RGS10: variants seen among roughly 807,000 people sequenced by gnomAD.
RGS10 encodes the protein regulator of G-protein signalling 10.
RGS10 carries 11 observed loss-of-function variants against 23.5 expected under a neutral mutation model. That is an observed-to-expected ratio of 0.47 (90% CI 0.29 to 0.77). The LOEUF is 0.77. Among genes scored for constraint, RGS10 ranks in the 30% least tolerant of loss-of-function variants. RGS10 has a pLI of 0.08. For missense variants in RGS10, 180 were observed against 226.3 expected, an observed-to-expected ratio of 0.80 and a Z score of 1.31; for synonymous variants, 77 against 83.2, an observed-to-expected ratio of 0.92 and a Z score of 0.41.
rs979542477 is a variant in RGS10 at position 119,524,550 on chromosome 10, G to A, written c.255+1482C>T. ...CACAGTCTAGCATTTATCGATGGTG[G>A]TCCCCAGGCCCTGTCCTCGGTGCTG... On this transcript the variant is annotated intron_variant, in intron 3 of 4. Coordinates refer to ENST00000369103, the MANE Select transcript of RGS10 (RefSeq NM_001005339.2). This position sits in a 1 kb window ranked among gnomAD's most constrained non-coding sequence, Gnocchi z 5.2. Among the ~76,000 whole-genome samples, 18 of 152,148 alleles carry A rather than the reference G, an allele frequency of 1.2e-4. No individual in the cohort carries two copies. Among genetic ancestry groups the A allele is most frequent in the African/African-American group, 4.3e-4 (18 of 41,420 alleles).
At chr10:119,528,889 T>C (rs1844306387) in intron 1 of RGS10, among the ~76,000 whole-genome samples, 1 of 152,116 alleles carries the variant, frequency 6.6e-6, no homozygotes, top group Non-Finnish European at 1.5e-5. Context: ...ATTATCCTGA[T>C]GCCTGAGGTT....
chr10:119,501,062 C>T (rs1843948078), intron 4 of RGS10, among the ~76,000 whole-genome samples: 1 of 152,168 alleles, frequency 6.6e-6, no homozygotes, highest in Admixed American at 6.5e-5. Flanking sequence ...TTTTCTGGGC[C>T]ACAGTCCTTG....
chr10:119,537,814 CTT>C (rs1446600768), intron 1 of RGS10, among the ~76,000 whole-genome samples: 2 of 152,240 alleles, frequency 1.3e-5, no homozygotes, highest in South Asian at 4.1e-4. Flanking sequence ...GAAGGACAGT[CTT>C]GGGTTGCTTG....
chr10:119,521,214 A>C (rs1454952832), intron 3 of RGS10, among the ~76,000 whole-genome samples: 3 of 152,054 alleles, frequency 2.0e-5, no homozygotes, highest in African/African-American at 7.2e-5. Flanking sequence ...CAGGCTGCAA[A>C]GAGCCGTGAC....
chr10:119,501,595 C>T (rs1843953785), intron 4 of RGS10, among the ~76,000 whole-genome samples: 1 of 152,072 alleles, frequency 6.6e-6, no homozygotes, highest in African/African-American at 2.4e-5. Flanking sequence ...TGGTGGCACA[C>T]ACCTGTAGTC....
intron 4 of RGS10, among the ~76,000 whole-genome samples, chr10:119,514,201 C>G (rs572965341): frequency 5.3e-5 from 8 of 151,832 alleles, no homozygotes; most frequent in African/African-American, 1.9e-4. Context: ...ACTAAAAATA[C>G]AAAAAATTAG....
At chr10:119,508,670 C>A (rs922364920) in intron 4 of RGS10, among the ~76,000 whole-genome samples, 1 of 152,206 alleles carries the variant, frequency 6.6e-6, no homozygotes, top group Non-Finnish European at 1.5e-5. Context: ...ATAACGTCAT[C>A]GATTTCCTGC....
At chr10:119,534,998 A>G (rs1844372831) in intron 1 of RGS10, among the ~76,000 whole-genome samples, 1 of 152,178 alleles carries the variant, frequency 6.6e-6, no homozygotes, top group Admixed American at 6.5e-5. Flanking sequence ...TAACCTACTG[A>G]CGTGGTTAGT....
intron 4 of RGS10, among the ~76,000 whole-genome samples, chr10:119,505,514 T>C (rs1373413226): frequency 6.6e-6 from 1 of 152,044 alleles, no homozygotes. Context: ...TTCCTGCAGA[T>C]GTGCAACTCT....
Position 119,527,607 on chromosome 10 carries a change from CACT to C in RGS10, c.50-186_50-184del. The C allele has an allele frequency of 1.7e-6, 1 of 584,376 alleles. No individual in the cohort carries two copies. The highest frequency in any genetic ancestry group is 2.1e-5 in the South Asian group (1 of 47,680). The allele number at this position is 584,376 out of a possible 1,614,324, so 36.2% of individuals were successfully genotyped here. On this transcript the variant is annotated intron_variant, in intron 1 of 4. Transcript: ENST00000369103. This position sits in a 1 kb window ranked among gnomAD's most constrained non-coding sequence, Gnocchi z 4.2. ...TTGTCACACAACCCTGTAAGGCAGG[CACT>C]ACTATTTCCTCCATTTTACAGATGG...
chr10:119,508,342 C>CA (rs1194779381), intron 4 of RGS10, among the ~76,000 whole-genome samples: 2 of 152,112 alleles, frequency 1.3e-5, no homozygotes, highest in Non-Finnish European at 2.9e-5. Context: ...CCCTGATATT[C>CA]ATGGAAGAAG....
rs1218832388 is a variant in RGS10, at chr10:119,538,669, T to G, written c.49+3921A>C. On this transcript the variant is annotated intron_variant, in intron 1 of 4. Coordinates refer to ENST00000369103, the MANE Select transcript of RGS10 (RefSeq NM_001005339.2). This position sits in a 1 kb window ranked among gnomAD's most constrained non-coding sequence, Gnocchi z 4.5. Reference sequence around the variant, plus strand: ...AGCAGGGCTCTTGACAGATGGGAACTTGCTTGGAAGGGAAATTTGTCCCCA... The same window carrying G: ...AGCAGGGCTCTTGACAGATGGGAACGTGCTTGGAAGGGAAATTTGTCCCCA... Among the ~76,000 whole-genome samples, 1 of 152,018 alleles carries G rather than the reference T, an allele frequency of 6.6e-6. No homozygotes were observed. The highest frequency in any genetic ancestry group is 1.5e-5 in the Non-Finnish European group (1 of 67,986).
intron 4 of RGS10, among the ~76,000 whole-genome samples, chr10:119,506,236 G>A (rs965648439): frequency 6.6e-6 from 1 of 152,234 alleles, no homozygotes; most frequent in African/African-American, 2.4e-5. Context: ...TCTCAAGTGG[G>A]AACGGGCTGC....
In RGS10 at chr10:119,524,944, G is replaced by T. The variant is rs1386672079; in HGVS notation, c.255+1088C>A. On this transcript the variant is annotated intron_variant, in intron 3 of 4. Coordinates refer to ENST00000369103, the MANE Select transcript of RGS10 (RefSeq NM_001005339.2). This position sits in a 1 kb window ranked among gnomAD's most constrained non-coding sequence, Gnocchi z 5.2. ...CATGATATACATTTTCCAAGCAGTT[G>T]TCTGCAAACGCTTCACGGCTTCTGG... Among the ~76,000 whole-genome samples the T allele has an allele frequency of 6.6e-6, 1 of 152,178 alleles. No homozygotes were observed. The highest frequency in any genetic ancestry group is 1.5e-5 in the Non-Finnish European group (1 of 68,042).
intron 4 of RGS10, chr10:119,515,258 G>A: frequency 2.1e-6 from 1 of 484,092 alleles, no homozygotes; most frequent in Non-Finnish European, 3.7e-6. Context: ...GACTGAGAAG[G>A]CAGATAAACT....
chr10:119,534,027 G>T (rs1385082766), intron 1 of RGS10, among the ~76,000 whole-genome samples: 1 of 151,822 alleles, frequency 6.6e-6, no homozygotes, highest in Non-Finnish European at 1.5e-5. Flanking sequence ...GGCCGAGGTG[G>T]GTGGATCACT....
rs1844290588 is a variant in RGS10 at position 119,527,567 on chromosome 10, A to G, written c.50-143T>C. 9.1e-6 allele frequency: 6 copies of G among 662,506 alleles called. No individual in the cohort carries two copies. Among genetic ancestry groups the G allele is most frequent in the Admixed American group, 7.0e-5 (3 of 42,568 alleles). 41.0% of individuals were successfully genotyped at this position (662,506 alleles called of 1,614,324 possible). A position where few individuals can be genotyped will look rare whatever the true frequency, so the allele number is the denominator to read the frequency against. On this transcript the variant is annotated intron_variant, in intron 1 of 4. Transcript: ENST00000369103. The surrounding 1 kb of genome is among the most constrained non-coding windows in gnomAD (Gnocchi z 4.2). ...TCAGGCTCTGTTCTAGGTGCTTAAC[A>G]TGATGGACTCATTCTTGTCACACAA...
Position 119,527,154 on chromosome 10 carries a change from C to T in RGS10, c.168+152G>A. ...GTCATGACAGATGAGAAAGTCTCACCCTCAAGCTGGGATAGACAGTACTGA... is the reference window on the plus strand; with the variant it reads ...GTCATGACAGATGAGAAAGTCTCACTCTCAAGCTGGGATAGACAGTACTGA... On this transcript the variant is annotated intron_variant, in intron 2 of 4. Transcript: ENST00000369103. This position sits in a 1 kb window ranked among gnomAD's most constrained non-coding sequence, Gnocchi z 4.2. The T allele has an allele frequency of 1.7e-6, 1 of 585,936 alleles. No individual in the cohort carries two copies. 36.3% of individuals were successfully genotyped at this position (585,936 alleles called of 1,614,324 possible). A position where few individuals can be genotyped will look rare whatever the true frequency, so the allele number is the denominator to read the frequency against.
rs3009921 is a variant in RGS10, at chr10:119,527,507, G to A, written c.50-83C>T. ...TCTGCATGCAATGGTCAGCACTGCC[G>A]TCACCATCACGGCTGACATACACCG... On this transcript the variant is annotated intron_variant, in intron 1 of 4. Coordinates refer to ENST00000369103, the MANE Select transcript of RGS10 (RefSeq NM_001005339.2). The surrounding 1 kb of genome is among the most constrained non-coding windows in gnomAD (Gnocchi z 4.2). 1 allele frequency: 998,254 copies of A among 1,000,102 alleles called. 498,223 individuals carry two copies. The highest frequency in any genetic ancestry group is 1 in the East Asian group (41,922 of 41,922). 62.0% of individuals were successfully genotyped at this position (1,000,102 alleles called of 1,614,324 possible). A position where few individuals can be genotyped will look rare whatever the true frequency, so the allele number is the denominator to read the frequency against.
Sources: allele counts gnomAD v4.1 joint callset (sites outside exome capture counted in the v4.1 genomes callset), GRCh38; gene constraint gnomAD v4.1.1; non-coding constraint Gnocchi (gnomAD v3.1); transcripts MANE v1.5; gene names NCBI Gene and HGNC (gene_info 2026-07-23, HGNC 2026-07-21).